Variants in CAST observed in about 807,000 individuals in gnomAD.
CAST encodes the protein MIR583 host.
Under a neutral mutation model 119.6 loss-of-function variants are expected in CAST, and 76 were observed. The ratio of observed to expected loss-of-function variants is 0.64; its 90% CI spans 0.53 to 0.77. The LOEUF is 0.77. Ranked by LOEUF, CAST falls within the 30% of genes least tolerant of loss-of-function variation. The pLI, the probability that CAST is intolerant of heterozygous loss-of-function variation, is 0.00. For missense variants in CAST, 953 were observed against 946.5 expected, an observed-to-expected ratio of 1.01 and a Z score of -0.09; for synonymous variants, 319 against 331.6, an observed-to-expected ratio of 0.96 and a Z score of 0.41.
At chr5:96,569,080 G>A (rs921071136) in intron 1 of CAST, among the ~76,000 whole-genome samples, 1 of 152,160 alleles carries the variant, frequency 6.6e-6, no homozygotes, top group African/African-American at 2.4e-5. Context: ...CACATTTTAG[G>A]ATCATGAGTG....
At chr5:96,312,918 A>G in the CAST span, among the ~76,000 whole-genome samples, 2 of 152,120 alleles carry the variant, frequency 1.3e-5, no homozygotes, top group South Asian at 2.1e-4. Flanking sequence ...GTACATAACT[A>G]GGACCTCTCT....
chr5:96,564,910 A>G (rs964410806), intron 1 of CAST, among the ~76,000 whole-genome samples: 3 of 151,526 alleles, frequency 2.0e-5, no homozygotes, highest in Non-Finnish European at 4.4e-5. Flanking sequence ...CCCTGTCTCA[A>G]AAAAAAGTCA....
the CAST span, among the ~76,000 whole-genome samples, chr5:96,327,108 C>T: frequency 1.3e-5 from 2 of 152,068 alleles, no homozygotes; most frequent in Non-Finnish European, 2.9e-5. Context: ...TTTCTTATTC[C>T]GTGTATGACT....
the CAST span, among the ~76,000 whole-genome samples, chr5:96,128,516 A>AGTTGAGAAAGGTTGGAG: frequency 6.6e-6 from 1 of 152,040 alleles, no homozygotes; most frequent in African/African-American, 2.4e-5. Context: ...TTACCAAATT[A>AGTTGAGAAAGGTTGGAG]GATTTTCCCC....
the CAST span, among the ~76,000 whole-genome samples, chr5:96,045,468 A>G: frequency 6.6e-6 from 1 of 152,208 alleles, no homozygotes; most frequent in Non-Finnish European, 1.5e-5. Flanking sequence ...CTTTGAAAAA[A>G]CCATGCACTT....
intron 9 of CAST, among the ~76,000 whole-genome samples, chr5:96,732,469 T>C (rs1170713508): frequency 5.2e-4 from 67 of 130,040 alleles, no homozygotes; most frequent in African/African-American, 1.9e-3. Context: ...TTCACTCTGA[T>C]GGTAGTTTCT....
chr5:96,082,383 C>A, the CAST span, among the ~76,000 whole-genome samples: 1 of 152,134 alleles, frequency 6.6e-6, no homozygotes, highest in Admixed American at 6.6e-5. Context: ...CTCCATTTTG[C>A]AGCTGAGAAA....
chr5:96,517,494 A>T, the CAST span, among the ~76,000 whole-genome samples: 1 of 152,228 alleles, frequency 6.6e-6, no homozygotes, highest in Non-Finnish European at 1.5e-5. Flanking sequence ...ACTTCCATAA[A>T]CACTCTGACT....
At chr5:96,768,150 C>T (rs1436899541) in intron 29 of CAST, 151 bp downstream of exon 29, 1 of 663,340 alleles carries the variant, frequency 1.5e-6, no homozygotes, top group Non-Finnish European at 2.7e-6. Flanking sequence ...GTGGTGTGAT[C>T]TCAGCTTACT....
the CAST span, among the ~76,000 whole-genome samples, chr5:96,313,715 G>A: frequency 6.6e-6 from 1 of 151,968 alleles, no homozygotes; most frequent in East Asian, 1.9e-4. Context: ...TTCCCAATGT[G>A]GAAATCCCAC....
At chr5:96,219,575 G>A in the CAST span, among the ~76,000 whole-genome samples, 4 of 152,206 alleles carry the variant, frequency 2.6e-5, no homozygotes, top group African/African-American at 9.6e-5. Flanking sequence ...GGAGGTTGAG[G>A]CAGAAGGATT....
At chr5:95,977,841 C>T in the CAST span, among the ~76,000 whole-genome samples, 3 of 152,080 alleles carry the variant, frequency 2.0e-5, no homozygotes, top group Non-Finnish European at 4.4e-5. Flanking sequence ...TCTGTCGTTC[C>T]CCTCTATGTG....
chr5:96,689,228 A>T (rs1752437251), intron 2 of CAST, among the ~76,000 whole-genome samples: 6 of 152,350 alleles, frequency 3.9e-5, no homozygotes, highest in Admixed American at 3.3e-4. Flanking sequence ...AAAGAGGTTT[A>T]TATGCACACA....
intron 1 of CAST, among the ~76,000 whole-genome samples, chr5:96,674,185 T>C (rs1750436043): frequency 6.6e-6 from 1 of 152,166 alleles, no homozygotes; most frequent in African/African-American, 2.4e-5. Context: ...CATTTACTAG[T>C]TATGTTTCCT....
At chr5:96,593,001 G>A (rs1205221404) in intron 1 of CAST, among the ~76,000 whole-genome samples, 8 of 152,186 alleles carry the variant, frequency 5.3e-5, no homozygotes, top group East Asian at 3.9e-4. Flanking sequence ...TCCTGACCTC[G>A]TGATCCGCCC....
the CAST span, among the ~76,000 whole-genome samples, chr5:96,179,511 G>C: frequency 6.6e-6 from 1 of 152,230 alleles, no homozygotes; most frequent in Non-Finnish European, 1.5e-5. Context: ...TTGAGGGCAA[G>C]TGCAGGGTTT....
chr5:96,057,684 T>C, the CAST span, among the ~76,000 whole-genome samples: 1 of 152,188 alleles, frequency 6.6e-6, no homozygotes, highest in African/African-American at 2.4e-5. Context: ...TGTATTTCTA[T>C]TAATGGAGAA....
At chr5:96,712,733 T>C (rs1756422740) in intron 3 of CAST, among the ~76,000 whole-genome samples, 1 of 152,206 alleles carries the variant, frequency 6.6e-6, no homozygotes, top group South Asian at 2.1e-4. Context: ...TCTTCTTAGG[T>C]GGTTTCCAGA....
chr5:96,325,191 G>A, the CAST span, among the ~76,000 whole-genome samples: 882 of 152,170 alleles, frequency 5.8e-3, 15 homozygotes, highest in African/African-American at 0.02. Flanking sequence ...GTGACAGAGT[G>A]AGAGCCTGTC....
Sources: allele counts gnomAD v4.1 joint callset (sites outside exome capture counted in the v4.1 genomes callset), GRCh38; gene constraint gnomAD v4.1.1; transcripts MANE v1.5; gene names NCBI Gene and HGNC (gene_info 2026-07-23, HGNC 2026-07-21).